NAV3: variants seen among roughly 807,000 people sequenced by gnomAD.
NAV3 encodes the protein pore membrane and/or filament interacting like protein 1.
NAV3 carries 87 observed loss-of-function variants against 244.7 expected under a neutral mutation model. The observed-to-expected ratio is 0.36, with a 90% CI of 0.30 to 0.42. NAV3 has a LOEUF of 0.42. Among genes scored for constraint, NAV3 ranks in the 20% least tolerant of loss-of-function variants. The pLI, the probability that NAV3 is intolerant of heterozygous loss-of-function variation, is 1.00. For synonymous variants in NAV3, 1,126 were observed against 1,042.2 expected, an observed-to-expected ratio of 1.08 and a Z score of -1.55; for missense variants, 2,663 against 2,893.3, an observed-to-expected ratio of 0.92 and a Z score of 1.83.
intron 2 of NAV3, among the ~76,000 whole-genome samples, chr12:77,805,301 G>T (rs1871916674): frequency 6.6e-6 from 1 of 152,144 alleles, no homozygotes; most frequent in African/African-American, 2.4e-5. Flanking sequence ...TTGGCTGTGG[G>T]TTTGTCATAA....
intron 1 of NAV3, among the ~76,000 whole-genome samples, chr12:77,851,810 T>C (rs1877572761): frequency 6.6e-6 from 1 of 152,214 alleles, no homozygotes; most frequent in Non-Finnish European, 1.5e-5. Flanking sequence ...TATATTACTG[T>C]AACTTCATGA....
chr12:77,713,038 G>A (rs1876195733), intron 2 of NAV3, among the ~76,000 whole-genome samples: 1 of 152,068 alleles, frequency 6.6e-6, no homozygotes, highest in African/African-American at 2.4e-5. Context: ...GCTAGCTTAG[G>A]CCCAGACCTC....
In NAV3 at chr12:77,770,985, A is replaced by C. The variant is rs529870907; in HGVS notation, c.73-169334A>C. 4.3e-3 allele frequency among the ~76,000 whole-genome samples: 661 copies of C among 152,254 alleles called. 3 individuals are homozygous for C. The highest frequency in any genetic ancestry group is 7.3e-3 in the Non-Finnish European group (494 of 68,004). On this transcript the variant is annotated intron_variant, in intron 2 of 8. Coordinates refer to the NAV3 transcript ENST00000550042. The stretch of plus-strand genomic sequence containing the variant: ...ATCAGCGTGAACAGGCAACCTACAA[A>C]ATGGGAGAAAATTTTCACAACCTGC...
At chr12:78,098,955 G>GT (rs11436048) in intron 12 of NAV3, among the ~76,000 whole-genome samples, 74,332 of 143,304 alleles carry the variant, frequency 0.52, 19,997 homozygotes, top group Non-Finnish European at 0.64. Context: ...AGTATCCAGG[G>GT]TTTTTTTTTT....
chr12:77,722,630 G>GTTA (rs1719132501), intron 2 of NAV3, among the ~76,000 whole-genome samples: 1 of 151,998 alleles, frequency 6.6e-6, no homozygotes, highest in African/African-American at 2.4e-5. Context: ...GTTAAATCAT[G>GTTA]TTATTATATG....
chr12:78,077,800 T>C (rs1007720657), intron 12 of NAV3, among the ~76,000 whole-genome samples: 9 of 152,140 alleles, frequency 5.9e-5, no homozygotes, highest in African/African-American at 1.9e-4. Flanking sequence ...TATCTGGGCA[T>C]GGCAGTGGGT....
At chr12:78,184,543 C>A (rs1958632241) in intron 30 of NAV3, among the ~76,000 whole-genome samples, 1 of 151,790 alleles carries the variant, frequency 6.6e-6, no homozygotes, top group Non-Finnish European at 1.5e-5. Context: ...AGTTCTCAAG[C>A]TCTGAAAGTT....
In NAV3 at chr12:78,119,275, G is replaced by C. The variant is rs566119396; in HGVS notation, c.3079G>C (p.Ala1027Pro). ...TGCCAAAGCTTCTGAGAAAGGAAAA[G>C]CTCCCCTAAAAGGATCATCTCTACA... ...DDAKASEKGK[A>P]PLKGSSLQRS... The change falls in exon 15 of 40, where the codon GCT becomes CCT. Residue 1027 changes from alanine to proline, a missense_variant. Ala to Pro is a conservative substitution (Grantham distance 27, BLOSUM62 -1). Transcript: ENST00000397909. The C allele has an allele frequency of 7.4e-6, 12 of 1,613,308 alleles. No individual in the cohort carries two copies. The highest frequency in any genetic ancestry group is 3.3e-5 in the Admixed American group (2 of 59,766).
At chr12:78,161,197 T>G (rs1488358682) in intron 23 of NAV3, among the ~76,000 whole-genome samples, 1 of 152,110 alleles carries the variant, frequency 6.6e-6, no homozygotes, top group Non-Finnish European at 1.5e-5. Flanking sequence ...AAAGTGGGGA[T>G]GATAATGACT....
chr12:78,031,890 AAATAAT>A (rs1241975395), intron 9 of NAV3, among the ~76,000 whole-genome samples: 2 of 151,846 alleles, frequency 1.3e-5, no homozygotes, highest in African/African-American at 2.4e-5. Flanking sequence ...TATAATAAAA[AAATAAT>A]AATAATAAAA....
chr12:77,793,919 AACTGATTTAC>A (rs1314277432), intron 2 of NAV3, among the ~76,000 whole-genome samples: 9 of 152,184 alleles, frequency 5.9e-5, no homozygotes, highest in Admixed American at 5.9e-4. Context: ...ATAATGGTTG[AACTGATTTAC>A]ACTCCCACCA....
rs200286223 is a variant in NAV3, at chr12:77,831,527, T to C, written c.66T>C (p.Thr22=). The C allele has an allele frequency of 2.5e-6, 4 of 1,614,038 alleles. No individual in the cohort carries two copies. In the East Asian group the frequency reaches 8.9e-5, roughly 36 times the overall value. Residue 22 remains threonine (T), a synonymous_variant, in exon 1 of 40, where the codon ACT becomes ACC. Transcript: ENST00000397909. ...CTGTTGGGTCAAAGCCTGTGCATACTGCTCTTCCGATACCAAATCTTGGCA... is the reference window on the plus strand; with the variant it reads ...CTGTTGGGTCAAAGCCTGTGCATACCGCTCTTCCGATACCAAATCTTGGCA... ...QPAVGSKPVH[T]ALPIPNLGTT...
intron 2 of NAV3, among the ~76,000 whole-genome samples, chr12:77,659,378 A>C (rs1185687622): frequency 6.6e-6 from 1 of 152,200 alleles, no homozygotes; most frequent in Non-Finnish European, 1.5e-5. Context: ...ATCACTGGCC[A>C]TCAGAGAAAT....
intron 2 of NAV3, among the ~76,000 whole-genome samples, chr12:77,771,109 G>A (rs1304296474): frequency 1.3e-5 from 2 of 152,282 alleles, no homozygotes; most frequent in East Asian, 3.9e-4. Flanking sequence ...CGAAGGATAT[G>A]AACAGACACT....
At chr12:77,703,052 T>C (rs1875632206) in intron 2 of NAV3, among the ~76,000 whole-genome samples, 1 of 152,208 alleles carries the variant, frequency 6.6e-6, no homozygotes, top group African/African-American at 2.4e-5. Flanking sequence ...TGAGGCTTAA[T>C]GTACATTCAT....
At chr12:77,614,076 T>C (rs200679925) in intron 2 of NAV3, among the ~76,000 whole-genome samples, 47 of 34,752 alleles carry the variant, frequency 1.4e-3, no homozygotes, top group South Asian at 2.1e-3. Context: ...CTTTCTCTCT[T>C]TTTTTTTTTT....
chr12:77,786,205 G>A (rs1036595656), intron 2 of NAV3, among the ~76,000 whole-genome samples: 1 of 152,034 alleles, frequency 6.6e-6, no homozygotes, highest in African/African-American at 2.4e-5. Context: ...CTGCTATGTG[G>A]TACTATTTAT....
At chr12:78,047,162 A>G (rs142293868) in intron 9 of NAV3, among the ~76,000 whole-genome samples, 8 of 152,090 alleles carry the variant, frequency 5.3e-5, no homozygotes, top group African/African-American at 1.7e-4. Flanking sequence ...GTTTGGCTGG[A>G]TATGAAATTC....
chr12:78,151,083 G>T (rs1957066280), intron 22 of NAV3, among the ~76,000 whole-genome samples: 1 of 151,726 alleles, frequency 6.6e-6, no homozygotes, highest in African/African-American at 2.4e-5. Context: ...TAAAAATAAG[G>T]AACACAGACT....
Sources: allele counts gnomAD v4.1 joint callset (sites outside exome capture counted in the v4.1 genomes callset), GRCh38; gene constraint gnomAD v4.1.1; transcripts MANE v1.5; gene names NCBI Gene and HGNC (gene_info 2026-07-23, HGNC 2026-07-21).